Variants in YES1 observed in about 807,000 individuals in gnomAD.
YES1 encodes the protein tyrosine-protein kinase Yes.
Under a neutral mutation model 70.4 loss-of-function variants are expected in YES1, and 39 were observed. That is an observed-to-expected ratio of 0.55 (90% CI 0.43 to 0.72). The LOEUF (loss-of-function observed/expected upper bound fraction) is 0.72, where lower values mean the gene tolerates loss of function less well. Ranked by LOEUF, YES1 falls within the 30% of genes least tolerant of loss-of-function variation. The pLI is 0.00. For missense variants in YES1, 495 were observed against 644.8 expected (o/e 0.77, Z 2.52); for synonymous variants, 198 against 218.6 (o/e 0.91, Z 0.83).
chr18:748,466 C>G (rs2080306014), intron 3 of YES1, among the ~76,000 whole-genome samples: 1 of 151,168 alleles, frequency 6.6e-6, no homozygotes, highest in Non-Finnish European at 1.5e-5. Context: ...AGTTGTACAA[C>G]CATTATCACA....
At chr18:787,849 T>C (rs911224849) in intron 1 of YES1, 1 of 152,228 alleles carries the variant, frequency 6.6e-6, no homozygotes, top group Admixed American at 6.5e-5. Context: ...TAAAAAAGAC[T>C]GATATTAATC....
chr18:764,836 G>A (rs557860312), intron 1 of YES1, among the ~76,000 whole-genome samples: 27 of 151,864 alleles, frequency 1.8e-4, no homozygotes, highest in Admixed American at 9.2e-4. Context: ...GGGTTCATGC[G>A]ATTCTCCTGC....
Position 746,940 on chromosome 18 carries a change from TTAAC to T in YES1, c.471-893_471-890del, listed in dbSNP as rs145041362. On this transcript the variant is annotated intron_variant, in intron 4 of 11. Coordinates refer to ENST00000314574, the MANE Select transcript of YES1 (RefSeq NM_005433.4). Reference sequence around the variant, plus strand: ...TATATATATACACATGTATTTTTTCTTAACTAATTGTAAGTTGCAAACATGCTGA... The same window carrying T: ...TATATATATACACATGTATTTTTTCTTAATTGTAAGTTGCAAACATGCTGA... 2.0e-4 allele frequency among the ~76,000 whole-genome samples: 31 copies of T among 152,362 alleles called. 1 individual carries two copies. Among genetic ancestry groups the T allele is most frequent in the East Asian group, 5.8e-4 (3 of 5,190 alleles).
chr18:748,439 T>G (rs906823922), intron 3 of YES1, among the ~76,000 whole-genome samples: 1 of 151,890 alleles, frequency 6.6e-6, no homozygotes, highest in Non-Finnish European at 1.5e-5. Flanking sequence ...ATTCACTAGT[T>G]TTTAATATAT....
intron 8 of YES1, among the ~76,000 whole-genome samples, chr18:740,369 T>C (rs149492376): frequency 8.5e-5 from 13 of 152,280 alleles, no homozygotes; most frequent in African/African-American, 3.1e-4. Flanking sequence ...TTAAGGCACA[T>C]TTAAAACATA....
intron 1 of YES1, among the ~76,000 whole-genome samples, chr18:776,095 C>G (rs1598927275): frequency 6.6e-6 from 1 of 152,176 alleles, no homozygotes; most frequent in East Asian, 1.9e-4. Context: ...AAAGTGTTTG[C>G]ACTGCTAAAC....
intron 1 of YES1, among the ~76,000 whole-genome samples, chr18:757,252 C>T (rs1021707343): frequency 4.6e-5 from 7 of 151,006 alleles, no homozygotes; most frequent in South Asian, 2.1e-4. Flanking sequence ...GCCTGTAATC[C>T]CAGCACTTTG....
rs2145644332 is a variant in YES1, at chr18:721,870, C to A, written c.*2554G>T. The A allele has an allele frequency of 6.5e-6, 1 of 152,690 alleles. No homozygotes were observed. Among genetic ancestry groups the A allele is most frequent in the East Asian group, 1.9e-4 (1 of 5,184 alleles). The allele number at this position is 152,690 out of a possible 1,614,324, so 9.5% of individuals were successfully genotyped here. On this transcript the variant is annotated 3_prime_UTR_variant, in exon 12 of 12. Transcript: ENST00000314574. ...AAAGTGTGCTAGAAGGCTGTTTTTG[C>A]CAACTTCCTTTTTTGGTAAGGGTTA...
intron 1 of YES1, among the ~76,000 whole-genome samples, chr18:774,127 G>A (rs1905271249): frequency 6.6e-6 from 1 of 152,126 alleles, no homozygotes; most frequent in Non-Finnish European, 1.5e-5. Flanking sequence ...CACGGCGCCT[G>A]GCCTTCCCAT....
chr18:732,615 G>A (rs2080105566), intron 11 of YES1, among the ~76,000 whole-genome samples: 1 of 152,030 alleles, frequency 6.6e-6, no homozygotes, highest in African/African-American at 2.4e-5. Context: ...CCTATCTCAT[G>A]TGCTCACCCT....
intron 1 of YES1, among the ~76,000 whole-genome samples, chr18:759,377 G>C (rs1904456773): frequency 1.3e-5 from 2 of 152,214 alleles, no homozygotes; most frequent in African/African-American, 4.8e-5. Flanking sequence ...TGGCGCAGGA[G>C]AATTGCTTGA....
chr18:784,273 T>C (rs1489776465), intron 1 of YES1, among the ~76,000 whole-genome samples: 1 of 152,242 alleles, frequency 6.6e-6, no homozygotes, highest in Non-Finnish European at 1.5e-5. Context: ...AGTGTGTACA[T>C]TGGATGCACT....
At chr18:740,050 CAA>C (rs1217281830) in intron 8 of YES1, among the ~76,000 whole-genome samples, 2 of 152,142 alleles carry the variant, frequency 1.3e-5, no homozygotes, top group Non-Finnish European at 2.9e-5. Context: ...CTTTACCTGA[CAA>C]GAGGCATTTT....
intron 1 of YES1, among the ~76,000 whole-genome samples, chr18:806,117 T>C (rs565927731): frequency 6.6e-6 from 1 of 152,382 alleles, no homozygotes; most frequent in South Asian, 2.1e-4. Context: ...TTTTTCTTTT[T>C]GTCCTAGGTA....
Position 732,904 on chromosome 18 carries a change from T to C in YES1, c.1353A>G (p.Ile451Met). 1 of 1,614,224 alleles carries C rather than the reference T, an allele frequency of 6.2e-7. No individual in the cohort carries two copies. The highest frequency in any genetic ancestry group is 8.5e-7 in the Non-Finnish European group (1 of 1,180,046). The change falls in exon 11 of 12, where the codon ATA becomes ATG. Residue 451 changes from isoleucine (I) to methionine (M), a missense_variant. Transcript: ENST00000314574. ...TTCCAAATGACCAGACATCAGACTT[T>C]ATTGTAAACCGACCATACAGTGCAG... ...PEAALYGRFT[I>M]KSDVWSFGIL...
chr18:760,209 C>A (rs1005542247), intron 1 of YES1, among the ~76,000 whole-genome samples: 2 of 152,090 alleles, frequency 1.3e-5, no homozygotes, highest in Non-Finnish European at 2.9e-5. Context: ...GTGGCTCACA[C>A]CTGTCATCCC....
Position 724,601 on chromosome 18 carries a change from C to G in YES1, c.1455G>C (p.Val485=), listed in dbSNP as rs1416653620. 6.2e-7 allele frequency: 1 copy of G among 1,614,110 alleles called. No individual in the cohort carries two copies. Residue 485 remains valine, a synonymous_variant, in exon 12 of 12, where the codon GTG becomes GTC. Coordinates refer to ENST00000314574, the MANE Select transcript of YES1 (RefSeq NM_005433.4). ...GMVNREVLEQ[V]ERGYRMPCPQ... Reference sequence around the variant, plus strand: ...GGCACGGCATCCTGTATCCTCGCTCCACTTGTTCTAATACTTCACGGTTCA... The same window carrying G: ...GGCACGGCATCCTGTATCCTCGCTCGACTTGTTCTAATACTTCACGGTTCA...
In YES1 at chr18:746,089, A is replaced by C. The variant is rs747616089; in HGVS notation, c.471-38T>G. 12 of 1,496,668 alleles carry C rather than the reference A, an allele frequency of 8.0e-6. No individual in the cohort carries two copies. The African/African-American group carries it at 1.7e-4, about 21-fold the overall frequency. The allele number at this position is 1,496,668 out of a possible 1,614,324, so 92.7% of individuals were successfully genotyped here. On this transcript the variant is annotated intron_variant, in intron 4 of 11. Coordinates refer to ENST00000314574, the MANE Select transcript of YES1 (RefSeq NM_005433.4). ...TAAGTGTTTTGAATTGAAAAGTATG[A>C]GGTTCAGAAAAATTATACAGAAGTG...
At chr18:730,343 A>ATTTTTTTTT (rs59787531) in intron 11 of YES1, among the ~76,000 whole-genome samples, 1 of 132,274 alleles carries the variant, frequency 7.6e-6, no homozygotes, top group Non-Finnish European at 1.6e-5. Context: ...ACCCAAGAGG[A>ATTTTTTTTT]TTTTTTTTTT....
Sources: gnomAD v4.1 joint callset for allele counts (sites outside exome capture counted in the v4.1 genomes callset) on GRCh38, gnomAD v4.1.1 for gene constraint, MANE v1.5 for transcripts, NCBI Gene and HGNC (gene_info 2026-07-23, HGNC 2026-07-21) for gene names.